Variants in ARCN1 observed in about 807,000 individuals in gnomAD.
ARCN1 encodes the protein archain 1 coat protein complex I subunit delta.
ARCN1 carries 5 observed loss-of-function variants against 60.4 expected under a neutral mutation model. That is an observed-to-expected ratio of 0.08 (90% CI 0.04 to 0.17). The LOEUF (loss-of-function observed/expected upper bound fraction) is 0.17, where lower values mean the gene tolerates loss of function less well. Among genes scored for constraint, ARCN1 ranks in the 10% least tolerant of loss-of-function variants. The pLI is 1.00. For synonymous variants in ARCN1, 224 were observed against 220.0 expected, an observed-to-expected ratio of 1.02 and a Z score of -0.16; for missense variants, 464 against 626.5, an observed-to-expected ratio of 0.74 and a Z score of 2.77.
intron 1 of ARCN1, among the ~76,000 whole-genome samples, chr11:118,574,748 G>A (rs1196365457): frequency 6.7e-6 from 1 of 149,072 alleles, no homozygotes; most frequent in East Asian, 2.2e-4. Flanking sequence ...ACAAAGAAAG[G>A]CATCTTTTGA....
chr11:118,600,092 C>T lies in ARCN1; in HGVS notation c.1447-533C>T, dbSNP rs149700480. Among the ~76,000 whole-genome samples the T allele has an allele frequency of 2.7e-3, 409 of 152,160 alleles. 2 individuals are homozygous for T. Among genetic ancestry groups the T allele is most frequent in the African/African-American group, 8.9e-3 (371 of 41,502 alleles). On this transcript the variant is annotated intron_variant, in intron 9 of 9. Coordinates refer to ENST00000264028, the MANE Select transcript of ARCN1 (RefSeq NM_001655.5). ...AGTGGTTCAAGTGTTGTATTGGTGC[C>T]GTTATAGGTACCATTGTTACATGTA...
intron 7 of ARCN1, 21 bp downstream of exon 7, chr11:118,592,877 C>T: frequency 1.2e-6 from 2 of 1,603,974 alleles, no homozygotes; most frequent in Non-Finnish European, 1.7e-6. Flanking sequence ...CTGGCCAGTC[C>T]CACTAAGCTA....
chr11:118,588,107 G>C (rs1555075733), intron 5 of ARCN1, among the ~76,000 whole-genome samples: 1 of 152,148 alleles, frequency 6.6e-6, no homozygotes, highest in African/African-American at 2.4e-5. Context: ...AAGCTTCCCA[G>C]ACCCTGTCCT....
intron 8 of ARCN1, among the ~76,000 whole-genome samples, chr11:118,596,473 G>A (rs1939028141): frequency 6.6e-6 from 1 of 152,174 alleles, no homozygotes; most frequent in South Asian, 2.1e-4. Flanking sequence ...GTCTAGAACT[G>A]ATCAAATTAG....
chr11:118,591,738 GT>G (rs543309206), intron 6 of ARCN1, among the ~76,000 whole-genome samples: 167 of 140,088 alleles, frequency 1.2e-3, no homozygotes, highest in Non-Finnish European at 2.1e-3. Context: ...TCTTTTTTTT[GT>G]TTTTTTTTTT....
intron 5 of ARCN1, among the ~76,000 whole-genome samples, chr11:118,586,898 A>AGAGAATTT (rs2135546029): frequency 6.6e-6 from 1 of 152,160 alleles, no homozygotes; most frequent in East Asian, 1.9e-4. Context: ...CACATATTAA[A>AGAGAATTT]GAGAATTTGA....
intron 1 of ARCN1, chr11:118,573,853 T>G: frequency 1.9e-6 from 1 of 518,256 alleles, no homozygotes; most frequent in East Asian, 3.1e-5. Context: ...TCCAGAAACT[T>G]GTATTTTCAG....
At chr11:118,572,599 C>CTCTCCTTG (rs782314007) in intron 1 of ARCN1, 49 bp downstream of exon 1, 1 of 1,592,300 alleles carries the variant, frequency 6.3e-7, no homozygotes, top group South Asian at 1.1e-5. Flanking sequence ...GCCTCACCGT[C>CTCTCCTTG]TCTCCTTGTC....
chr11:118,591,998 G>A (rs1372570073), intron 6 of ARCN1, among the ~76,000 whole-genome samples: 1 of 150,896 alleles, frequency 6.6e-6, no homozygotes, highest in Non-Finnish European at 1.5e-5. Context: ...TCGGCTCACC[G>A]CAACCTCTGC....
intron 8 of ARCN1, among the ~76,000 whole-genome samples, chr11:118,594,793 G>T (rs7114935): frequency 2.7e-4 from 40 of 150,616 alleles, no homozygotes; most frequent in South Asian, 1.1e-3. Context: ...TAGATGATCT[G>T]CCCGCCTTGG....
intron 1 of ARCN1, chr11:118,573,736 AAT>A (rs781949034): frequency 2.9e-6 from 2 of 688,246 alleles, no homozygotes; most frequent in South Asian, 3.0e-5. Context: ...TAATGGGGGG[AAT>A]TCATGCTTGG....
chr11:118,599,024 C>G (rs143380378), intron 9 of ARCN1, among the ~76,000 whole-genome samples: 6,009 of 151,700 alleles, frequency 0.04, 148 homozygotes, highest in Non-Finnish European at 0.059. Context: ...GAAATCCTGA[C>G]CTGAGGTGAT....
chr11:118,592,736 T>C lies in ARCN1; in HGVS notation c.1012T>C (p.Phe338Leu), dbSNP rs1285420114. ...CCATCCAAATGTGGATAAAAAACTTTTCACTGCAGAGTCTCTAATTGGCCT... is the reference window on the plus strand; with the variant it reads ...CCATCCAAATGTGGATAAAAAACTTCTCACTGCAGAGTCTCTAATTGGCCT... ...QTHPNVDKKL[F>L]TAESLIGLKN... Residue 338 changes from phenylalanine (F) to leucine (L), a missense_variant, in exon 7 of 10, where the codon TTC becomes CTC. Transcript: ENST00000264028. 8 of 1,613,938 alleles carry C rather than the reference T, an allele frequency of 5.0e-6. No individual in the cohort carries two copies. In the African/African-American group the frequency reaches 1.1e-4, roughly 22 times the overall value.
chr11:118,581,966 A>ACACACACACACACACACACC (rs1472826072), intron 2 of ARCN1, among the ~76,000 whole-genome samples: 25 of 149,904 alleles, frequency 1.7e-4, no homozygotes, highest in South Asian at 6.4e-4. Context: ...ACACACACAC[A>ACACACACACACACACACACC]CCTTTTAAGA....
At chr11:118,580,966 C>G (rs578058557) in intron 1 of ARCN1, among the ~76,000 whole-genome samples, 3 of 152,228 alleles carry the variant, frequency 2.0e-5, no homozygotes, top group African/African-American at 7.2e-5. Flanking sequence ...GATACTGTCT[C>G]TACTAAAAGC....
At chr11:118,572,684 G>A (rs894695751) in intron 1 of ARCN1, 134 bp downstream of exon 1, 4 of 1,136,550 alleles carry the variant, frequency 3.5e-6, no homozygotes, top group Non-Finnish European at 5.0e-6. Context: ...CCGGGCTCGG[G>A]GAGCAGTGTG....
At position 118,589,545 on chromosome 11, in the gene ARCN1, T is replaced by G. The variant is rs117127574; in HGVS notation, c.819-796T>G. Among the ~76,000 whole-genome samples, 35 of 152,242 alleles carry G rather than the reference T, an allele frequency of 2.3e-4. No homozygotes were observed. In the East Asian group the frequency reaches 6.8e-3, roughly 29 times the overall value. ...CCTGAGTTCACGTCATTCTCCCACC[T>G]CAGCCTCCTGAGTAGGCGCCCGTCA... On this transcript the variant is annotated intron_variant, in intron 5 of 9. Transcript: ENST00000264028.
chr11:118,592,326 T>G (rs1279604842), intron 6 of ARCN1, among the ~76,000 whole-genome samples: 1 of 152,238 alleles, frequency 6.6e-6, no homozygotes, highest in Non-Finnish European at 1.5e-5. Flanking sequence ...CCAGAACTGC[T>G]GTCTGACCCA....
At chr11:118,578,578 C>T (rs1938576483) in intron 1 of ARCN1, among the ~76,000 whole-genome samples, 1 of 152,130 alleles carries the variant, frequency 6.6e-6, no homozygotes. Context: ...ATTACATTTA[C>T]AATATGCTCC....
Sources: gnomAD v4.1 joint callset for allele counts (sites outside exome capture counted in the v4.1 genomes callset) on GRCh38, gnomAD v4.1.1 for gene constraint, MANE v1.5 for transcripts, NCBI Gene and HGNC (gene_info 2026-07-23, HGNC 2026-07-21) for gene names.